Variants in NEDD4L observed in about 807,000 individuals in gnomAD.
The protein encoded by NEDD4L is E3 ubiquitin-protein ligase NEDD4-like.
A neutral mutation model predicts 148.9 loss-of-function variants in NEDD4L; 54 were observed. The ratio of observed to expected loss-of-function variants is 0.36; its 90% CI spans 0.29 to 0.45. The LOEUF is 0.45. Among genes scored for constraint, NEDD4L ranks in the 20% least tolerant of loss-of-function variants. The pLI is 1.00. For missense variants in NEDD4L, 856 were observed against 1,233.8 expected (o/e 0.69, Z 4.59); for synonymous variants, 433 against 440.7 (o/e 0.98, Z 0.22).
intron 1 of NEDD4L, among the ~76,000 whole-genome samples, chr18:58,074,363 A>G (rs1156499739): frequency 1.3e-5 from 2 of 150,980 alleles, no homozygotes; most frequent in African/African-American, 2.4e-5. Flanking sequence ...GGTTCAAGCA[A>G]TTCTCCTGCC....
chr18:58,161,958 G>T (rs573723549), intron 1 of NEDD4L, among the ~76,000 whole-genome samples: 1 of 152,084 alleles, frequency 6.6e-6, no homozygotes, highest in Non-Finnish European at 1.5e-5. Flanking sequence ...TTGCATGTCC[G>T]GGTAGAAAAG....
intron 2 of NEDD4L, among the ~76,000 whole-genome samples, chr18:58,225,866 A>C (rs914315111): frequency 1.3e-5 from 2 of 152,194 alleles, no homozygotes; most frequent in Non-Finnish European, 2.9e-5. Flanking sequence ...AATCAGGGTA[A>C]GGCCATCACA....
intron 1 of NEDD4L, among the ~76,000 whole-genome samples, chr18:58,049,805 C>T (rs762680722): frequency 4.0e-5 from 6 of 151,276 alleles, no homozygotes; most frequent in Non-Finnish European, 5.9e-5. Flanking sequence ...GGTGAAACCC[C>T]GTCTCTACAA....
At chr18:58,169,298 C>T (rs1021316293) in intron 2 of NEDD4L, among the ~76,000 whole-genome samples, 2 of 152,154 alleles carry the variant, frequency 1.3e-5, no homozygotes, top group African/African-American at 2.4e-5. Flanking sequence ...AGTTGGCCCG[C>T]GTGGGAAACA....
At chr18:58,065,780 T>C (rs554013992) in intron 1 of NEDD4L, among the ~76,000 whole-genome samples, 1 of 152,370 alleles carries the variant, frequency 6.6e-6, no homozygotes, top group East Asian at 1.9e-4. Flanking sequence ...TTAGTCACTA[T>C]GGTTGGCTTT....
intron 1 of NEDD4L, among the ~76,000 whole-genome samples, chr18:58,075,465 A>C (rs1352617729): frequency 1.3e-5 from 2 of 152,026 alleles, no homozygotes; most frequent in Admixed American, 1.3e-4. Flanking sequence ...TTTGTTTCTG[A>C]GATAGAGTTT....
intron 1 of NEDD4L, among the ~76,000 whole-genome samples, chr18:58,056,288 A>G (rs1359046772): frequency 6.6e-6 from 1 of 152,236 alleles, no homozygotes; most frequent in Non-Finnish European, 1.5e-5. Flanking sequence ...GACAGCTGAC[A>G]GTTGATGGCA....
intron 1 of NEDD4L, among the ~76,000 whole-genome samples, chr18:58,105,411 G>A (rs989264926): frequency 6.6e-6 from 1 of 152,198 alleles, no homozygotes; most frequent in African/African-American, 2.4e-5. Flanking sequence ...GAGGGTAGGG[G>A]AGTGTGCCTT....
intron 1 of NEDD4L, among the ~76,000 whole-genome samples, chr18:58,076,749 T>C (rs2083181277): frequency 6.6e-6 from 1 of 152,092 alleles, no homozygotes; most frequent in Admixed American, 6.6e-5. Context: ...CCTAATGCTT[T>C]ATTATGAAAA....
Position 58,087,507 on chromosome 18 carries a change from G to A in NEDD4L, c.48+42799G>A, listed in dbSNP as rs1166138983. Among the ~76,000 whole-genome samples the A allele has an allele frequency of 2.0e-5, 3 of 152,154 alleles. 1 individual carries two copies. The highest frequency in any genetic ancestry group is 4.4e-5 in the Non-Finnish European group (3 of 68,028). ...CTTTTTAGCAAGCATACCAATTCCA[G>A]TTACCAGAATCTGTTAGTTTTTGTT... On this transcript the variant is annotated intron_variant, in intron 1 of 30. Coordinates refer to ENST00000400345, the MANE Select transcript of NEDD4L (RefSeq NM_001144967.3).
intron 1 of NEDD4L, among the ~76,000 whole-genome samples, chr18:58,106,388 A>G (rs370534708): frequency 2.0e-5 from 3 of 152,226 alleles, no homozygotes; most frequent in African/African-American, 7.2e-5. Flanking sequence ...GTGGGAAGGT[A>G]CCGAAAAAGC....
rs1193879434 is a variant in NEDD4L, at chr18:58,044,354, C to T, written c.-307C>T. On this transcript the variant is annotated 5_prime_UTR_variant, in exon 1 of 31. Transcript: ENST00000400345. The stretch of plus-strand genomic sequence containing the variant: ...AGGCGCGGGTCGCGGGGAGGGAAAG[C>T]CCGGCCGGGTCTGCGCCGCCGCCGC... 2 of 169,818 alleles carry T rather than the reference C, an allele frequency of 1.2e-5. No individual in the cohort carries two copies. Among genetic ancestry groups the T allele is most frequent in the Non-Finnish European group, 2.5e-5 (2 of 80,606 alleles). 10.5% of individuals were successfully genotyped at this position (169,818 alleles called of 1,614,324 possible). A position where few individuals can be genotyped will look rare whatever the true frequency, so the allele number is the denominator to read the frequency against.
intron 2 of NEDD4L, among the ~76,000 whole-genome samples, chr18:58,237,924 G>A (rs1186160990): frequency 6.6e-6 from 1 of 152,204 alleles, no homozygotes; most frequent in African/African-American, 2.4e-5. Context: ...TTCAAGACTC[G>A]AGTGGCTGGG....
intron 1 of NEDD4L, among the ~76,000 whole-genome samples, chr18:58,067,345 T>G (rs2082650497): frequency 6.6e-6 from 1 of 152,232 alleles, no homozygotes; most frequent in Non-Finnish European, 1.5e-5. Flanking sequence ...TCTCAGGCTT[T>G]GAAGAATGAA....
At chr18:58,185,914 AATG>A (rs2039417060) in intron 2 of NEDD4L, among the ~76,000 whole-genome samples, 1 of 152,102 alleles carries the variant, frequency 6.6e-6, no homozygotes, top group South Asian at 2.1e-4. Context: ...AGTAAAATAA[AATG>A]ATGAATGCCT....
chr18:58,304,021 T>A (rs1457429351), intron 5 of NEDD4L, among the ~76,000 whole-genome samples: 1 of 151,960 alleles, frequency 6.6e-6, no homozygotes, highest in East Asian at 1.9e-4. Flanking sequence ...GAGCACTTCT[T>A]CCCCCTGACC....
intron 2 of NEDD4L, among the ~76,000 whole-genome samples, chr18:58,177,323 A>C (rs530008058): frequency 1.3e-5 from 2 of 152,336 alleles, no homozygotes; most frequent in South Asian, 4.1e-4. Flanking sequence ...AAGGTTGCCA[A>C]CTTGAGATGA....
intron 1 of NEDD4L, among the ~76,000 whole-genome samples, chr18:58,068,976 A>G (rs1447317475): frequency 1.3e-5 from 2 of 152,086 alleles, no homozygotes; most frequent in African/African-American, 4.8e-5. Flanking sequence ...GTCTCTACTA[A>G]AAATATAAAA....
At chr18:58,234,855 C>A (rs902830768) in intron 2 of NEDD4L, among the ~76,000 whole-genome samples, 11 of 152,164 alleles carry the variant, frequency 7.2e-5, no homozygotes, top group Non-Finnish European at 1.2e-4. Context: ...AGCTGTGTCA[C>A]TGAATGGGTG....
Sources: allele counts gnomAD v4.1 joint callset (sites outside exome capture counted in the v4.1 genomes callset), GRCh38; gene constraint gnomAD v4.1.1; transcripts MANE v1.5; gene names NCBI Gene and HGNC (gene_info 2026-07-23, HGNC 2026-07-21).